KCNH7: variants seen among roughly 807,000 people sequenced by gnomAD.
KCNH7 encodes voltage-gated inwardly rectifying potassium channel KCNH7.
Under a neutral mutation model 120.8 loss-of-function variants are expected in KCNH7, and 49 were observed. That is an observed-to-expected ratio of 0.41 (90% CI 0.32 to 0.51). The LOEUF is 0.51. Among genes scored for constraint, KCNH7 ranks in the 20% least tolerant of loss-of-function variants. KCNH7 has a pLI of 0.38. For missense variants in KCNH7, 1,097 were observed against 1,446.6 expected (o/e 0.76, Z 3.92); for synonymous variants, 547 against 516.1 (o/e 1.06, Z -0.81).
chr2:162,621,641 A>G, intron 2 of KCNH7, among the ~76,000 whole-genome samples: 1 of 152,160 alleles, frequency 6.6e-6, no homozygotes, highest in East Asian at 1.9e-4. Context: ...CAGTAAGTAT[A>G]TATTCAGTAC....
At chr2:162,606,317 T>C (rs1682771059) in intron 2 of KCNH7, among the ~76,000 whole-genome samples, 1 of 152,042 alleles carries the variant, frequency 6.6e-6, no homozygotes, top group African/African-American at 2.4e-5. Flanking sequence ...AAATTTTCAG[T>C]GAGAAGGCTG....
At chr2:162,492,957 C>T (rs2105720460) in intron 6 of KCNH7, among the ~76,000 whole-genome samples, 1 of 132,056 alleles carries the variant, frequency 7.6e-6, no homozygotes. Context: ...ACTCTTAATG[C>T]ACAAGTCAGA....
chr2:162,650,741 A>G (rs1684536363), intron 2 of KCNH7, among the ~76,000 whole-genome samples: 2 of 152,244 alleles, frequency 1.3e-5, no homozygotes, highest in South Asian at 4.1e-4. Context: ...CTCCCCTACT[A>G]GACGTTCAGC....
intron 2 of KCNH7, among the ~76,000 whole-genome samples, chr2:162,751,032 C>G (rs777917011): frequency 4.1e-5 from 5 of 120,998 alleles, no homozygotes; most frequent in Non-Finnish European, 6.4e-5. Context: ...AAAACCAAGA[C>G]AACAACAACC....
In KCNH7 at chr2:162,663,396, A is replaced by C. The variant is rs143353467; in HGVS notation, c.308-126316T>G. ...TTTTCATATTTAGCTTTATTTGAGG[A>C]TATATTTTGATGATAATTCTTGATG... On this transcript the variant is annotated intron_variant, in intron 2 of 15. Coordinates refer to ENST00000332142, the MANE Select transcript of KCNH7 (RefSeq NM_033272.4). Among the ~76,000 whole-genome samples, 91 of 152,250 alleles carry C rather than the reference A, an allele frequency of 6.0e-4. 1 individual carries two copies. Among genetic ancestry groups the C allele is most frequent in the African/African-American group, 2.2e-3 (90 of 41,536 alleles).
chr2:162,629,560 C>A (rs1161391106), intron 2 of KCNH7, among the ~76,000 whole-genome samples: 1 of 152,104 alleles, frequency 6.6e-6, no homozygotes, highest in Non-Finnish European at 1.5e-5. Context: ...CTGCCCAGGT[C>A]CAGCAGCAGT....
At chr2:162,807,389 A>T (rs72875475) in intron 2 of KCNH7, among the ~76,000 whole-genome samples, 9,999 of 151,824 alleles carry the variant, frequency 0.066, 463 homozygotes, top group Non-Finnish European at 0.097. Context: ...ATGAGCCGAT[A>T]TGGTGCCACT....
chr2:162,784,283 C>T (rs936943518), intron 2 of KCNH7, among the ~76,000 whole-genome samples: 11 of 152,126 alleles, frequency 7.2e-5, no homozygotes, highest in African/African-American at 2.7e-4. Context: ...CATGACCATC[C>T]TGTGGGCTGC....
intron 2 of KCNH7, among the ~76,000 whole-genome samples, chr2:162,641,225 T>G (rs1000511441): frequency 6.6e-6 from 1 of 152,194 alleles, no homozygotes; most frequent in Non-Finnish European, 1.5e-5. Context: ...GGTATCTCTA[T>G]TTATAATAGC....
rs894023630 is a variant in KCNH7, at chr2:162,722,813, C to CTTTTT, written c.307+113719_307+113723dup. 8.5e-4 allele frequency among the ~76,000 whole-genome samples: 72 copies of CTTTTT among 85,096 alleles called. 2 individuals carry two copies. Among genetic ancestry groups the CTTTTT allele is most frequent in the African/African-American group, 3.6e-3 (59 of 16,538 alleles). 55.8% of individuals were successfully genotyped at this position (85,096 alleles called of 152,430 possible). ...AATCCTTTTCATTCATTCTTTTTTT[C>CTTTTT]TTTTTTTTTTTTTTTTTTGCTTCTC... is the stretch of plus-strand genomic sequence containing the variant. On this transcript the variant is annotated intron_variant, in intron 2 of 15. Coordinates refer to ENST00000332142, the MANE Select transcript of KCNH7 (RefSeq NM_033272.4).
intron 12 of KCNH7, among the ~76,000 whole-genome samples, chr2:162,386,400 T>A (rs1330578134): frequency 1.3e-5 from 2 of 151,876 alleles, no homozygotes; most frequent in East Asian, 3.9e-4. Context: ...TTTTTGAACA[T>A]ATCATTTTAT....
At chr2:162,505,883 C>G (rs1429121690) in intron 5 of KCNH7, among the ~76,000 whole-genome samples, 1 of 151,748 alleles carries the variant, frequency 6.6e-6, no homozygotes, top group Non-Finnish European at 1.5e-5. Context: ...AAAAATTAGA[C>G]TTTAAGATTT....
At chr2:162,546,917 G>A (rs963983325) in intron 2 of KCNH7, among the ~76,000 whole-genome samples, 6 of 151,928 alleles carry the variant, frequency 3.9e-5, no homozygotes, top group Admixed American at 2.0e-4. Context: ...AAGTAATGCC[G>A]CTCAGGCATA....
At chr2:162,757,847 G>T (rs560956727) in intron 2 of KCNH7, among the ~76,000 whole-genome samples, 2 of 152,202 alleles carry the variant, frequency 1.3e-5, no homozygotes, top group South Asian at 2.1e-4. Flanking sequence ...AATAAAAACT[G>T]CCATTGAGTG....
At position 162,533,709 on chromosome 2, in the gene KCNH7, C is replaced by A. The variant is rs531091128; in HGVS notation, c.463+3216G>T. On this transcript the variant is annotated intron_variant, in intron 3 of 15. Coordinates refer to ENST00000332142, the MANE Select transcript of KCNH7 (RefSeq NM_033272.4). ...ATTGCAAGAGAGAGAATGAAAAATA[C>A]CAAGAAATATTCTAACAGTAGAAGA... 2.0e-5 allele frequency among the ~76,000 whole-genome samples: 3 copies of A among 151,524 alleles called. No homozygotes were observed. In the South Asian group the frequency reaches 6.2e-4, roughly 32 times the overall value.
intron 2 of KCNH7, among the ~76,000 whole-genome samples, chr2:162,802,055 T>A (rs899701593): frequency 1.3e-4 from 19 of 151,824 alleles, no homozygotes; most frequent in Admixed American, 6.6e-4. Context: ...AGCCACAGAT[T>A]CCTGGACCTT....
In KCNH7 at chr2:162,518,000, A is replaced by G; in HGVS notation, c.622T>C (p.Cys208Arg). The change falls in exon 4 of 16, where the codon TGC becomes CGC. Residue 208 changes from cysteine (C) to arginine (R), a missense_variant. This residue lies in a region of KCNH7 where 362 missense variants were observed against 372.2 expected (regional missense o/e 0.97). Coordinates refer to ENST00000332142, the MANE Select transcript of KCNH7 (RefSeq NM_033272.4). ...GTGTCATCTGCTTCAGAGGGGCTGC[A>G]GCTTTCTTTTGTAGGAGACTTAAAA... ...KHFKSPTKESCSPSEADDTKA... is the reference protein window; with the variant it reads ...KHFKSPTKESRSPSEADDTKA... The G allele has an allele frequency of 1.9e-6, 3 of 1,612,516 alleles. No homozygotes were observed. Among genetic ancestry groups the G allele is most frequent in the Non-Finnish European group, 2.5e-6 (3 of 1,178,936 alleles).
intron 10 of KCNH7, among the ~76,000 whole-genome samples, chr2:162,398,983 T>A (rs1647029255): frequency 6.6e-6 from 1 of 151,890 alleles, no homozygotes; most frequent in Admixed American, 6.6e-5. Flanking sequence ...TTCATGTATT[T>A]GAGTCTGTGC....
intron 14 of KCNH7, among the ~76,000 whole-genome samples, chr2:162,378,217 T>C (rs1206646774): frequency 6.6e-6 from 1 of 152,242 alleles, no homozygotes. Context: ...ATTACTTTAG[T>C]CCTTACAGTA....
Sources: allele counts gnomAD v4.1 joint callset (sites outside exome capture counted in the v4.1 genomes callset), GRCh38; gene constraint gnomAD v4.1.1; regional missense constraint gnomAD v4.1.1; transcripts MANE v1.5; gene names NCBI Gene and HGNC (gene_info 2026-07-23, HGNC 2026-07-21).